PRMT2: variants seen among roughly 807,000 people sequenced by gnomAD.
PRMT2 encodes protein arginine N-methyltransferase 2.
A neutral mutation model predicts 57.6 loss-of-function variants in PRMT2; 26 were observed. The observed-to-expected ratio is 0.45, with a 90% CI of 0.33 to 0.63. The LOEUF (loss-of-function observed/expected upper bound fraction) is 0.63, where lower values mean the gene tolerates loss of function less well. Ranked by LOEUF, PRMT2 falls within the 20% of genes least tolerant of loss-of-function variation. The probability of loss-of-function intolerance (pLI) is 0.02; values close to 1 mark genes in which losing one functional copy is unlikely to be tolerated. For synonymous variants in PRMT2, 219 were observed against 220.0 expected, an observed-to-expected ratio of 1.00 and a Z score of 0.04; for missense variants, 472 against 564.4, an observed-to-expected ratio of 0.84 and a Z score of 1.66.
In PRMT2 at chr21:46,635,737, G is replaced by C. The variant is rs926251554; in HGVS notation, c.-192G>C. 1 of 152,424 alleles carries C rather than the reference G, an allele frequency of 6.6e-6. No individual in the cohort carries two copies. Among genetic ancestry groups the C allele is most frequent in the Admixed American group, 6.5e-5 (1 of 15,288 alleles). The allele number at this position is 152,424 out of a possible 1,614,324, so 9.4% of individuals were successfully genotyped here. A position where few individuals can be genotyped will look rare whatever the true frequency, so the allele number is the denominator to read the frequency against. On this transcript the variant is annotated 5_prime_UTR_variant, in exon 1 of 12. Coordinates refer to ENST00000355680, the MANE Select transcript of PRMT2 (RefSeq NM_206962.4). ...CCCTCCGCGCTGGCGGTGTGGACGC[G>C]GAACTCAGCGGAGAAACGCGATTGA...
chr21:46,653,642 C>CT, intron 7 of PRMT2: 3 of 1,228,098 alleles, frequency 2.4e-6, no homozygotes, highest in Non-Finnish European at 2.1e-6. Context: ...CTTGATATTT[C>CT]TTTTTGGTTG....
chr21:46,664,143 CTTTGT>C, intron 11 of PRMT2, 147 bp from the exon 12 acceptor site: 2 of 625,778 alleles, frequency 3.2e-6, no homozygotes, highest in South Asian at 3.9e-5. Context: ...TTGTGCTTTG[CTTTGT>C]GATAAGTTTT....
intron 7 of PRMT2, among the ~76,000 whole-genome samples, chr21:46,650,746 C>G (rs975616453): frequency 1.3e-5 from 2 of 152,114 alleles, no homozygotes; most frequent in Admixed American, 1.3e-4. Flanking sequence ...GGCGGTGATA[C>G]GGGGAAGCCT....
rs377242901 is a variant in PRMT2, at chr21:46,649,533, G to A, written c.490-42G>A. Reference sequence around the variant, plus strand: ...CTCAGGAGAGTAGATGACGGGCCGTGTGCCGGCCGGATGTACGCTGACGGT... The same window carrying A: ...CTCAGGAGAGTAGATGACGGGCCGTATGCCGGCCGGATGTACGCTGACGGT... On this transcript the variant is annotated intron_variant, in intron 6 of 11. Transcript: ENST00000355680. The surrounding 1 kb of genome is among the most constrained non-coding windows in gnomAD (Gnocchi z 4.8). 8.8e-5 allele frequency: 142 copies of A among 1,613,200 alleles called. No individual in the cohort carries two copies. Among genetic ancestry groups the A allele is most frequent in the Non-Finnish European group, 1.2e-4 (138 of 1,179,934 alleles).
chr21:46,654,489 C>G (rs1442852336), intron 7 of PRMT2, among the ~76,000 whole-genome samples: 1 of 152,114 alleles, frequency 6.6e-6, no homozygotes, highest in African/African-American at 2.4e-5. Context: ...CAGGGAGAAA[C>G]TATTTGAGGA....
chr21:46,661,787 C>T lies in PRMT2; in HGVS notation c.961-13C>T, dbSNP rs763244196. The T allele has an allele frequency of 1.1e-5, 15 of 1,369,220 alleles. No individual in the cohort carries two copies. Among genetic ancestry groups the T allele is most frequent in the Admixed American group, 6.2e-5 (2 of 32,500 alleles). 84.8% of individuals were successfully genotyped at this position (1,369,220 alleles called of 1,614,324 possible). On this transcript the variant is annotated splice_polypyrimidine_tract_variant and intron_variant, in intron 9 of 11. Coordinates refer to ENST00000355680, the MANE Select transcript of PRMT2 (RefSeq NM_206962.4). ...GCGGTGCCCACGCGTGCCTTGTCAT[C>T]TGCTTGACCCAGACCCTGAGGGGCG...
In PRMT2 at chr21:46,648,005, G is replaced by A. The variant is rs752486124; in HGVS notation, c.328-453G>A. Among the ~76,000 whole-genome samples the A allele has an allele frequency of 1.3e-5, 2 of 151,810 alleles. No individual in the cohort carries two copies. Among genetic ancestry groups the A allele is most frequent in the Non-Finnish European group, 2.9e-5 (2 of 67,956 alleles). ...TAAAGCATTTTCCTCATTAGCCTTG[G>A]GCACTTACTGTTTTGAAACTAATTT... On this transcript the variant is annotated intron_variant, in intron 5 of 11. Transcript: ENST00000355680. This position sits in a 1 kb window ranked among gnomAD's most constrained non-coding sequence, Gnocchi z 4.8.
At position 46,649,371 on chromosome 21, in the gene PRMT2, G is replaced by C; in HGVS notation, c.490-204G>C. On this transcript the variant is annotated intron_variant, in intron 6 of 11. Transcript: ENST00000355680. The surrounding 1 kb of genome is among the most constrained non-coding windows in gnomAD (Gnocchi z 4.8). The stretch of plus-strand genomic sequence containing the variant: ...TCTGTGTCTTGTCCGGGAGGTGGGG[G>C]CAGTTGGGAGGGTTAGAGGCGGCTC... 1 of 736,726 alleles carries C rather than the reference G, an allele frequency of 1.4e-6. No homozygotes were observed. The highest frequency in any genetic ancestry group is 2.7e-5 in the East Asian group (1 of 37,218). 45.6% of individuals were successfully genotyped at this position (736,726 alleles called of 1,614,324 possible).
chr21:46,653,035 C>T (rs2061485450), intron 7 of PRMT2: 3 of 1,134,930 alleles, frequency 2.6e-6, no homozygotes, highest in Non-Finnish European at 3.3e-6. Flanking sequence ...GACTGCCAGA[C>T]TCAGTCTTAC....
chr21:46,642,776 A>G (rs2061298822), intron 3 of PRMT2, among the ~76,000 whole-genome samples: 1 of 152,158 alleles, frequency 6.6e-6, no homozygotes, highest in African/African-American at 2.4e-5. Context: ...TAGTCCTAGC[A>G]CTTTGGGAGG....
chr21:46,643,492 AGCT>A, intron 3 of PRMT2, 40 bp from the exon 4 acceptor site: 4 of 1,419,062 alleles, frequency 2.8e-6, no homozygotes, highest in East Asian at 2.6e-5. Context: ...AAAAAAAAAA[AGCT>A]CCAGCGTCCT....
chr21:46,658,638 C>T, intron 7 of PRMT2, 107 bp from the exon 8 acceptor site: 1 of 1,532,554 alleles, frequency 6.5e-7, no homozygotes, highest in Non-Finnish European at 8.8e-7. Flanking sequence ...ATTCTTGAGG[C>T]TAAAACTGTA....
In PRMT2 at chr21:46,664,515, G is replaced by A; in HGVS notation, c.*188G>A. 1 of 713,486 alleles carries A rather than the reference G, an allele frequency of 1.4e-6. No homozygotes were observed. Among genetic ancestry groups the A allele is most frequent in the Non-Finnish European group, 2.4e-6 (1 of 417,136 alleles). 44.2% of individuals were successfully genotyped at this position (713,486 alleles called of 1,614,324 possible). A position where few individuals can be genotyped will look rare whatever the true frequency, so the allele number is the denominator to read the frequency against. On this transcript the variant is annotated 3_prime_UTR_variant, in exon 12 of 12. Coordinates refer to ENST00000355680, the MANE Select transcript of PRMT2 (RefSeq NM_206962.4). ...AGACAAACACGCTTGGGCTCGGCAG[G>A]AGCTGCCGTGGCCACCCCCGCTGCC...
rs142055128 is a variant in PRMT2, at chr21:46,661,896, G to A, written c.1057G>A (p.Gly353Arg). Residue 353 changes from glycine to arginine, a missense_variant, in exon 10 of 12, where the codon GGG becomes AGG. Around this residue, in one of 2 missense-constraint regions of PRMT2, gnomAD observed 229 missense variants for 217.2 expected, o/e 1.05. Coordinates refer to ENST00000355680, the MANE Select transcript of PRMT2 (RefSeq NM_206962.4). Reference sequence around the variant, plus strand: ...CGTCCACTTCCAGAGCCTGCAGGAGGGGCAGCCGCCGCAGGTGCTCAGCAC... The same window carrying A: ...CGTCCACTTCCAGAGCCTGCAGGAGAGGCAGCCGCCGCAGGTGCTCAGCAC... ...FSVHFQSLQEGQPPQVLSTGP... is the reference protein window; with the variant it reads ...FSVHFQSLQERQPPQVLSTGP... 5,939 of 1,487,760 alleles carry A rather than the reference G, an allele frequency of 4.0e-3. 27 individuals are homozygous for A. Among genetic ancestry groups the A allele is most frequent in the Non-Finnish European group, 3.9e-3 (4,367 of 1,111,600 alleles). 92.2% of individuals were successfully genotyped at this position (1,487,760 alleles called of 1,614,324 possible).
intron 8 of PRMT2, 87 bp from the exon 9 acceptor site, chr21:46,660,746 G>C: frequency 2.0e-6 from 3 of 1,492,664 alleles, no homozygotes; most frequent in Non-Finnish European, 2.7e-6. Context: ...ACAGAAGGGA[G>C]AGCACTCACC....
chr21:46,654,208 A>C, intron 7 of PRMT2: 3 of 812,784 alleles, frequency 3.7e-6, no homozygotes, highest in Non-Finnish European at 4.5e-6. Context: ...AGCACCGTTT[A>C]AAATGGGGAG....
rs1197314768 is a variant in PRMT2 at position 46,649,973 on chromosome 21, T to C, written c.654+234T>C. ...AGTCAAAGTTCATGTAACATTTTCA[T>C]GAGTGATTTACATGAACTGTGTTCT... On this transcript the variant is annotated intron_variant, in intron 7 of 11. Transcript: ENST00000355680. The surrounding 1 kb of genome is among the most constrained non-coding windows in gnomAD (Gnocchi z 4.8). 6.3e-6 allele frequency: 9 copies of C among 1,437,860 alleles called. No homozygotes were observed. The highest frequency in any genetic ancestry group is 1.4e-5 in the African/African-American group (1 of 69,626). The allele number at this position is 1,437,860 out of a possible 1,614,324, so 89.1% of individuals were successfully genotyped here.
chr21:46,643,555 C>T lies in PRMT2; in HGVS notation c.60C>T (p.Cys20=), dbSNP rs2061316035. 1 of 1,605,468 alleles carries T rather than the reference C, an allele frequency of 6.2e-7. No homozygotes were observed. The highest frequency in any genetic ancestry group is 8.5e-7 in the Non-Finnish European group (1 of 1,177,088). Residue 20 remains cysteine (C), a synonymous_variant, in exon 4 of 12, where the codon TGC becomes TGT. Transcript: ENST00000355680. ...SESQGEEPAE[C]SEAGLLQEGV... is the part of the protein sequence containing the mutation. ...AGCAGGGAGAAGAGCCTGCTGAGTG[C>T]AGTGAGGCCGGTCTCCTGCAGGAGG...
At chr21:46,640,995 C>G in intron 3 of PRMT2, among the ~76,000 whole-genome samples, 1 of 151,328 alleles carries the variant, frequency 6.6e-6, no homozygotes, top group Non-Finnish European at 1.5e-5. Flanking sequence ...CTATATTGTA[C>G]CAAGAGTAGT....
Sources: allele counts gnomAD v4.1 joint callset (sites outside exome capture counted in the v4.1 genomes callset), GRCh38; gene constraint gnomAD v4.1.1; regional missense constraint gnomAD v4.1.1; non-coding constraint Gnocchi (gnomAD v3.1); transcripts MANE v1.5; gene names NCBI Gene and HGNC (gene_info 2026-07-23, HGNC 2026-07-21).